Variants in HSD17B12 observed in about 807,000 individuals in gnomAD.
HSD17B12 encodes very-long-chain 3-oxoacyl-CoA reductase.
A neutral mutation model predicts 39.3 loss-of-function variants in HSD17B12; 32 were observed. The observed-to-expected ratio is 0.81, with a 90% confidence interval of 0.61 to 1.09. The LOEUF (loss-of-function observed/expected upper bound fraction) is 1.09, where lower values mean the gene tolerates loss of function less well. Ranked by LOEUF, HSD17B12 falls within the 50% of genes least tolerant of loss-of-function variation. The pLI is 0.00. For synonymous variants in HSD17B12, 150 were observed against 146.7 expected, an observed-to-expected ratio of 1.02 and a Z score of -0.16; for missense variants, 342 against 382.9, an observed-to-expected ratio of 0.89 and a Z score of 0.89.
At chr11:43,584,694 C>G in the HSD17B12 span, 1 of 152,250 alleles carries the variant, frequency 6.6e-6, no homozygotes, top group African/African-American at 2.4e-5. Context: ...AAGATGTCAG[C>G]CCATGGTTTC....
the HSD17B12 span, among the ~76,000 whole-genome samples, chr11:43,590,809 T>C: frequency 8.4e-5 from 2 of 23,776 alleles, no homozygotes; most frequent in African/African-American, 1.1e-4. Flanking sequence ...CAGCTCGACT[T>C]TTTTTTTTTT....
intron 4 of HSD17B12, among the ~76,000 whole-genome samples, chr11:43,802,824 C>T (rs1950984550): frequency 6.6e-6 from 1 of 152,164 alleles, no homozygotes. Flanking sequence ...ATAAACCCTG[C>T]TTTAAAATTA....
the HSD17B12 span, among the ~76,000 whole-genome samples, chr11:43,668,245 T>A: frequency 6.6e-6 from 1 of 152,222 alleles, no homozygotes; most frequent in Non-Finnish European, 1.5e-5. Context: ...TTTCCTTGCC[T>A]TTTTCAGCTT....
the HSD17B12 span, among the ~76,000 whole-genome samples, chr11:43,634,144 T>C: frequency 6.8e-6 from 1 of 146,926 alleles, no homozygotes; most frequent in Non-Finnish European, 1.5e-5. Flanking sequence ...TAAGATACTT[T>C]AGCATTTCTT....
In HSD17B12 at chr11:43,680,819, T is replaced by G. The variant is rs780076173; in HGVS notation, c.-9T>G. 1.2e-6 allele frequency: 2 copies of G among 1,612,886 alleles called. No individual in the cohort carries two copies. On this transcript the variant is annotated 5_prime_UTR_variant, in exon 1 of 11. Coordinates refer to ENST00000278353, the MANE Select transcript of HSD17B12 (RefSeq NM_016142.3). ...CATTCACGAAGGTAGTGAGGCCTAG[T>G]GGAAAGCCATGGAGAGCGCTCTCCC... is the stretch of plus-strand genomic sequence containing the variant.
intron 3 of HSD17B12, among the ~76,000 whole-genome samples, chr11:43,797,799 G>A (rs1950928503): frequency 6.6e-6 from 1 of 152,126 alleles, no homozygotes; most frequent in Admixed American, 6.5e-5. Context: ...TTAAAATGTA[G>A]TGATTATTAA....
At chr11:43,718,533 A>G (rs1950146793) in intron 1 of HSD17B12, 1 of 354,280 alleles carries the variant, frequency 2.8e-6, no homozygotes, top group Non-Finnish European at 5.2e-6. Flanking sequence ...CAGGGGCAAG[A>G]AAACTGTAGT....
chr11:43,820,629 A>G (rs1951173061), intron 6 of HSD17B12, among the ~76,000 whole-genome samples: 1 of 152,222 alleles, frequency 6.6e-6, no homozygotes, highest in African/African-American at 2.4e-5. Flanking sequence ...TAATGCCACA[A>G]TGAATTTCTC....
chr11:43,814,131 TATGAG>T (rs1413069550), intron 4 of HSD17B12, among the ~76,000 whole-genome samples: 19 of 152,036 alleles, frequency 1.2e-4, no homozygotes, highest in African/African-American at 4.6e-4. Context: ...TAAACATTGT[TATGAG>T]ATGTTTGTTT....
chr11:43,661,040 G>T, the HSD17B12 span, among the ~76,000 whole-genome samples: 15 of 152,156 alleles, frequency 9.9e-5, no homozygotes, highest in Non-Finnish European at 1.9e-4. Context: ...GAGGAGAATT[G>T]CTTGAACCTG....
rs1422564497 is a variant in HSD17B12 at position 43,855,986 on chromosome 11, A to G, written c.*738A>G. 1 of 152,294 alleles carries G rather than the reference A, an allele frequency of 6.6e-6. No homozygotes were observed. The highest frequency in any genetic ancestry group is 1.5e-5 in the Non-Finnish European group (1 of 68,012). 9.4% of individuals were successfully genotyped at this position (152,294 alleles called of 1,614,324 possible). On this transcript the variant is annotated 3_prime_UTR_variant, in exon 11 of 11. Coordinates refer to ENST00000278353, the MANE Select transcript of HSD17B12 (RefSeq NM_016142.3). ...ATTGAGACTGGCAGCCATCTATGGTACCACTGAAACCCTGACCCAGAAAAG... is the reference window on the plus strand; with the variant it reads ...ATTGAGACTGGCAGCCATCTATGGTGCCACTGAAACCCTGACCCAGAAAAG...
At chr11:43,755,105 CA>C in intron 3 of HSD17B12, 1 of 379,858 alleles carries the variant, frequency 2.6e-6, no homozygotes, top group Non-Finnish European at 4.7e-6. Flanking sequence ...TGTTTGTTTC[CA>C]AACTTATGTT....
intron 1 of HSD17B12, among the ~76,000 whole-genome samples, chr11:43,686,275 G>A (rs1303771994): frequency 2.0e-5 from 3 of 152,148 alleles, no homozygotes; most frequent in African/African-American, 7.2e-5. Context: ...GGTGAGGGAA[G>A]GCAGAGAAAC....
rs115956318 is a variant in HSD17B12 at position 43,804,443 on chromosome 11, G to A, written c.391+6016G>A. Among the ~76,000 whole-genome samples the A allele has an allele frequency of 2.7e-3, 418 of 152,320 alleles. 3 individuals carry two copies. Among genetic ancestry groups the A allele is most frequent in the African/African-American group, 9.6e-3 (401 of 41,572 alleles). ...AGCCTCATTTTAACAACAACAAAAT[G>A]TGTAGATAATAGAGGTCAGTTGATT... On this transcript the variant is annotated intron_variant, in intron 4 of 10. Transcript: ENST00000278353.
At chr11:43,824,190 C>T (rs1951210296) in intron 6 of HSD17B12, among the ~76,000 whole-genome samples, 1 of 152,180 alleles carries the variant, frequency 6.6e-6, no homozygotes, top group Admixed American at 6.5e-5. Flanking sequence ...GCCACAGTCC[C>T]CACCAGTCCC....
intron 4 of HSD17B12, among the ~76,000 whole-genome samples, chr11:43,799,154 C>T (rs1353092437): frequency 6.6e-6 from 1 of 151,706 alleles, no homozygotes; most frequent in African/African-American, 2.4e-5. Context: ...AGAGATTTTT[C>T]CTAATCTAAC....
chr11:43,561,394 G>T, the HSD17B12 span, among the ~76,000 whole-genome samples: 3 of 152,128 alleles, frequency 2.0e-5, no homozygotes, highest in Non-Finnish European at 4.4e-5. Flanking sequence ...AGGGTCTAGA[G>T]GAAGACGGGC....
At chr11:43,630,508 C>T in the HSD17B12 span, among the ~76,000 whole-genome samples, 10 of 152,116 alleles carry the variant, frequency 6.6e-5, no homozygotes, top group Admixed American at 5.2e-4. Context: ...GGAGGGTACT[C>T]CAAAACAGGA....
At chr11:43,815,544 G>T (rs1257689592) in intron 5 of HSD17B12, 43 bp downstream of exon 5, 3 of 1,177,846 alleles carry the variant, frequency 2.5e-6, no homozygotes, top group African/African-American at 1.5e-5. Flanking sequence ...AATAATGCAT[G>T]CAGGTATTGG....
Sources: gnomAD v4.1 joint callset for allele counts (sites outside exome capture counted in the v4.1 genomes callset) on GRCh38, gnomAD v4.1.1 for gene constraint, MANE v1.5 for transcripts, NCBI Gene and HGNC (gene_info 2026-07-23, HGNC 2026-07-21) for gene names.